GNG12: variants seen among roughly 807,000 people sequenced by gnomAD.
GNG12 encodes the protein guanine nucleotide-binding protein G(I)/G(S)/G(O) subunit gamma-12.
For missense variants in GNG12, 69 were observed against 83.8 expected (o/e 0.82, Z 0.69); for synonymous variants, 28 against 29.7 (o/e 0.94, Z 0.19).
chr1:67,831,433 G>A (rs1385708411), intron 1 of GNG12, among the ~76,000 whole-genome samples: 1 of 152,062 alleles, frequency 6.6e-6, no homozygotes, highest in African/African-American at 2.4e-5. Context: ...TTTTTTTCAG[G>A]CTCTTGTGAA....
intron 1 of GNG12, among the ~76,000 whole-genome samples, chr1:67,790,260 A>T (rs956567001): frequency 6.6e-6 from 1 of 151,918 alleles, no homozygotes; most frequent in African/African-American, 2.4e-5. Context: ...ATTAGTTTGC[A>T]CCCCCGCCTC....
At chr1:67,706,087 GAGAC>G (rs1344483578) in intron 3 of GNG12, among the ~76,000 whole-genome samples, 1 of 152,180 alleles carries the variant, frequency 6.6e-6, no homozygotes, top group Non-Finnish European at 1.5e-5. Flanking sequence ...AGGAGGGAGA[GAGAC>G]AGTGCAAGCA....
intron 2 of GNG12, among the ~76,000 whole-genome samples, chr1:67,753,172 A>T (rs936468340): frequency 9.2e-5 from 14 of 151,896 alleles, no homozygotes; most frequent in African/African-American, 3.1e-4. Flanking sequence ...TGTTGAAAGA[A>T]TTTTTTTTTA....
intron 1 of GNG12, among the ~76,000 whole-genome samples, chr1:67,822,346 G>A (rs1184235145): frequency 6.6e-6 from 1 of 151,740 alleles, no homozygotes; most frequent in Non-Finnish European, 1.5e-5. Flanking sequence ...CCTCCTTCAG[G>A]CCCATGTCTG....
intron 2 of GNG12, among the ~76,000 whole-genome samples, chr1:67,718,509 A>G (rs1646339190): frequency 6.6e-6 from 1 of 152,196 alleles, no homozygotes; most frequent in South Asian, 2.1e-4. Flanking sequence ...TTTGGACATG[A>G]TAGTGGCTGC....
intron 1 of GNG12, among the ~76,000 whole-genome samples, chr1:67,803,809 G>A (rs1646880142): frequency 6.6e-6 from 1 of 152,198 alleles, no homozygotes; most frequent in South Asian, 2.1e-4. Context: ...CATGAGCAGA[G>A]GAGGCAGGCC....
intron 1 of GNG12, among the ~76,000 whole-genome samples, chr1:67,795,738 C>CCAAT (rs1366535027): frequency 6.6e-6 from 1 of 152,146 alleles, no homozygotes; most frequent in Admixed American, 6.5e-5. Flanking sequence ...AAAAGTTGAA[C>CCAAT]CAATGGCCAC....
At chr1:67,825,010 A>G (rs1647003913) in intron 1 of GNG12, among the ~76,000 whole-genome samples, 1 of 152,220 alleles carries the variant, frequency 6.6e-6, no homozygotes, top group Non-Finnish European at 1.5e-5. Flanking sequence ...AGGAGCATTG[A>G]TTTGCTCTTG....
chr1:67,734,929 C>T (rs920768949), intron 2 of GNG12, among the ~76,000 whole-genome samples: 1 of 152,234 alleles, frequency 6.6e-6, no homozygotes, highest in Non-Finnish European at 1.5e-5. Context: ...TCTCGGCTCA[C>T]TGTAACCTCT....
intron 2 of GNG12, among the ~76,000 whole-genome samples, chr1:67,773,545 G>A (rs928526309): frequency 2.0e-5 from 3 of 152,160 alleles, no homozygotes; most frequent in Non-Finnish European, 4.4e-5. Flanking sequence ...GGCACTGAAT[G>A]TTCCAGTATA....
At chr1:67,809,818 C>T (rs1190953004) in intron 1 of GNG12, among the ~76,000 whole-genome samples, 1 of 152,120 alleles carries the variant, frequency 6.6e-6, no homozygotes, top group Non-Finnish European at 1.5e-5. Context: ...CTCTCATTCA[C>T]TGTGGGAACG....
intron 1 of GNG12, among the ~76,000 whole-genome samples, chr1:67,789,406 C>T (rs958209218): frequency 1.3e-5 from 2 of 152,108 alleles, no homozygotes; most frequent in Non-Finnish European, 2.9e-5. Context: ...ATATTAAAAA[C>T]ACTTTTCATT....
intron 2 of GNG12, among the ~76,000 whole-genome samples, chr1:67,736,778 T>TCCAGA (rs768369986): frequency 4.6e-5 from 7 of 152,308 alleles, no homozygotes; most frequent in Admixed American, 2.0e-4. Flanking sequence ...GGGAGTGGGC[T>TCCAGA]CCAGACTGAA....
At chr1:67,800,764 T>C (rs937229750) in intron 1 of GNG12, among the ~76,000 whole-genome samples, 2 of 152,230 alleles carry the variant, frequency 1.3e-5, no homozygotes, top group Non-Finnish European at 2.9e-5. Flanking sequence ...ACCTCTGTTT[T>C]TGTAACATCA....
chr1:67,781,734 G>A (rs544110969), intron 1 of GNG12, among the ~76,000 whole-genome samples: 2 of 152,124 alleles, frequency 1.3e-5, no homozygotes, highest in African/African-American at 2.4e-5. Context: ...TTCAGTATAG[G>A]TTCTGGAGGT....
intron 3 of GNG12, among the ~76,000 whole-genome samples, chr1:67,706,147 G>A (rs1646246270): frequency 6.6e-6 from 1 of 152,164 alleles, no homozygotes; most frequent in South Asian, 2.1e-4. Flanking sequence ...CTGGTAAACG[G>A]TTTATAAATG....
In GNG12 at chr1:67,833,466, C is replaced by T. The variant is rs1647066200; in HGVS notation, c.-199G>A. ...TCCTCCGGGCGCCGGCTCCGCCTCG[C>T]TGGGGTGGGCGGGGCGGCGGCGGCC... On this transcript the variant is annotated 5_prime_UTR_variant, in exon 1 of 4. Transcript: ENST00000370982. 1.0e-6 allele frequency: 1 copy of T among 985,800 alleles called. No homozygotes were observed. Among genetic ancestry groups the T allele is most frequent in the Non-Finnish European group, 1.2e-6 (1 of 830,412 alleles). The allele number at this position is 985,800 out of a possible 1,614,324, so 61.1% of individuals were successfully genotyped here. A position where few individuals can be genotyped will look rare whatever the true frequency, so the allele number is the denominator to read the frequency against.
intron 1 of GNG12, among the ~76,000 whole-genome samples, chr1:67,818,664 G>C (rs1233511490): frequency 6.6e-6 from 1 of 152,050 alleles, no homozygotes; most frequent in African/African-American, 2.4e-5. Context: ...GAAAGGTGGA[G>C]GTAGGAGCTA....
intron 2 of GNG12, among the ~76,000 whole-genome samples, chr1:67,745,480 A>G (rs894549680): frequency 6.6e-6 from 1 of 152,228 alleles, no homozygotes; most frequent in African/African-American, 2.4e-5. Context: ...GTGCCCAGAA[A>G]TGGCATCCAA....
Sources: gnomAD v4.1 joint callset for allele counts (sites outside exome capture counted in the v4.1 genomes callset) on GRCh38, gnomAD v4.1.1 for gene constraint, MANE v1.5 for transcripts, NCBI Gene and HGNC (gene_info 2026-07-23, HGNC 2026-07-21) for gene names.